The following FARP1 variants were observed in gnomAD, a reference collection of about 807,000 sequenced individuals.
The protein encoded by FARP1 is FERM, ARH/RhoGEF and pleckstrin domain protein 1.
Under a neutral mutation model 128.8 loss-of-function variants are expected in FARP1, and 52 were observed. That is an observed-to-expected ratio of 0.40 (90% confidence interval 0.32 to 0.51). The LOEUF (loss-of-function observed/expected upper bound fraction) is 0.51. FARP1 is among the 20% of genes least tolerant of loss of function. The pLI is 0.45. For synonymous variants in FARP1, 580 were observed against 551.8 expected (o/e 1.05, Z -0.72); for missense variants, 1,333 against 1,367.9 (o/e 0.97, Z 0.40).
At chr13:98,376,095 G>T (rs574439987) in intron 5 of FARP1, among the ~76,000 whole-genome samples, 77 of 152,152 alleles carry the variant, frequency 5.1e-4, no homozygotes, top group Admixed American at 1.2e-3. Flanking sequence ...CGGGGCAGGG[G>T]GTGGTATCTA....
intron 2 of FARP1, among the ~76,000 whole-genome samples, chr13:98,255,643 C>G (rs549933190): frequency 6.6e-5 from 10 of 152,290 alleles, no homozygotes; most frequent in African/African-American, 2.4e-4. Flanking sequence ...TAGTAATATG[C>G]ATAAGATGGA....
At chr13:98,245,431 C>G in intron 2 of FARP1, 1 of 670,200 alleles carries the variant, frequency 1.5e-6, no homozygotes, top group African/African-American at 2.0e-5. Flanking sequence ...AAATCATACA[C>G]TGCAGCAACT....
At chr13:98,211,874 G>A (rs555534539) in intron 1 of FARP1, among the ~76,000 whole-genome samples, 2 of 152,146 alleles carry the variant, frequency 1.3e-5, no homozygotes, top group Non-Finnish European at 2.9e-5. Flanking sequence ...CCTCCACTCC[G>A]TGTGAGGCAT....
chr13:98,179,856 C>CA (rs781307192), intron 1 of FARP1, among the ~76,000 whole-genome samples: 12 of 142,510 alleles, frequency 8.4e-5, no homozygotes, highest in East Asian at 2.0e-4. Context: ...GACTCCATCT[C>CA]AAAAAAACAA....
Position 98,357,515 on chromosome 13 carries a change from G to A in FARP1, c.277-7880G>A, listed in dbSNP as rs563945416. ...GTTTAGTAATATTTTCTTCGGGAATGCTGATCTGCTGTTACAGTCATCCAG... is the reference window on the plus strand; with the variant it reads ...GTTTAGTAATATTTTCTTCGGGAATACTGATCTGCTGTTACAGTCATCCAG... On this transcript the variant is annotated intron_variant, in intron 3 of 26. Coordinates refer to ENST00000319562, the MANE Select transcript of FARP1 (RefSeq NM_005766.4). 3.9e-5 allele frequency among the ~76,000 whole-genome samples: 6 copies of A among 152,306 alleles called. No homozygotes were observed. The South Asian group carries it at 8.3e-4, about 21-fold the overall frequency.
Position 98,435,621 on chromosome 13 carries a change from C to T in FARP1, c.2189C>T (p.Thr730Met), listed in dbSNP as rs749135628. Residue 730 changes from threonine (T) to methionine (M), a missense_variant, in exon 19 of 27, where the codon ACG becomes ATG. Around this residue, in one of 2 missense-constraint regions of FARP1, gnomAD observed 1,009 missense variants for 969.8 expected, o/e 1.04. Transcript: ENST00000319562. ...ITEMVAQLHG[T>M]MIKMENFQKL... ...GAGATGGTGGCACAGCTCCACGGTA[C>T]GATGATCAAGATGGAGAATTTCCAG... 36 of 1,613,652 alleles carry T rather than the reference C, an allele frequency of 2.2e-5. No homozygotes were observed. The highest frequency in any genetic ancestry group is 5.0e-5 in the Admixed American group (3 of 59,994).
At chr13:98,357,222 A>G (rs1476446092) in intron 3 of FARP1, among the ~76,000 whole-genome samples, 1 of 152,130 alleles carries the variant, frequency 6.6e-6, no homozygotes, top group African/African-American at 2.4e-5. Context: ...GTTTAAATTG[A>G]ACACCTTGCT....
intron 1 of FARP1, among the ~76,000 whole-genome samples, chr13:98,174,186 C>A (rs565096921): frequency 6.6e-6 from 1 of 152,318 alleles, no homozygotes; most frequent in African/African-American, 2.4e-5. Context: ...TACTAGTGAT[C>A]GCCTTTCTGC....
intron 2 of FARP1, 129 bp from the exon 3 acceptor site, chr13:98,343,633 G>A (rs1175397941): frequency 7.3e-6 from 5 of 687,108 alleles, no homozygotes; most frequent in African/African-American, 7.1e-5. Context: ...GGGTGTCACG[G>A]AGGTGGGCGG....
At chr13:98,367,158 G>GATT (rs1445502308) in intron 4 of FARP1, among the ~76,000 whole-genome samples, 1 of 151,932 alleles carries the variant, frequency 6.6e-6, no homozygotes, top group African/African-American at 2.4e-5. Context: ...TGATGATGAT[G>GATT]ATGATGATGA....
chr13:98,159,792 T>C (rs1263451599), intron 1 of FARP1, among the ~76,000 whole-genome samples: 1 of 152,024 alleles, frequency 6.6e-6, no homozygotes, highest in Non-Finnish European at 1.5e-5. Flanking sequence ...TTAAAAAATA[T>C]TCATTACACA....
At chr13:98,180,658 A>G (rs1010342410) in intron 1 of FARP1, among the ~76,000 whole-genome samples, 1 of 152,134 alleles carries the variant, frequency 6.6e-6, no homozygotes, top group African/African-American at 2.4e-5. Context: ...TATTTCTTCT[A>G]AAATATTATT....
intron 2 of FARP1, among the ~76,000 whole-genome samples, chr13:98,299,751 G>A (rs930863653): frequency 6.6e-6 from 1 of 152,160 alleles, no homozygotes; most frequent in African/African-American, 2.4e-5. Flanking sequence ...GTAACAAAAA[G>A]CTGTTCAGTG....
intron 1 of FARP1, among the ~76,000 whole-genome samples, chr13:98,193,142 C>T (rs2139241062): frequency 6.6e-6 from 1 of 151,762 alleles, no homozygotes; most frequent in East Asian, 1.9e-4. Context: ...ACTGCAACAT[C>T]TGTCTCCCGG....
chr13:98,337,538 CGTGTGTGTGTGTGT>C lies in FARP1; in HGVS notation c.172-6187_172-6174del, dbSNP rs60625244. 6.2e-3 allele frequency among the ~76,000 whole-genome samples: 813 copies of C among 132,092 alleles called. 6 individuals carry two copies. Among genetic ancestry groups the C allele is most frequent in the African/African-American group, 0.02 (711 of 35,742 alleles). 86.7% of individuals were successfully genotyped at this position (132,092 alleles called of 152,430 possible). A position where few individuals can be genotyped will look rare whatever the true frequency, so the allele number is the denominator to read the frequency against. ...TCTTGTGTATAGTAGTCTGTGTAGC[CGTGTGTGTGTGTGT>C]GTGTGTGTGTGTGTGTGTGTGTGTG... is the stretch of plus-strand genomic sequence containing the variant. On this transcript the variant is annotated intron_variant, in intron 2 of 26. Transcript: ENST00000319562.
intron 24 of FARP1, among the ~76,000 whole-genome samples, chr13:98,443,084 C>A (rs549337364): frequency 6.6e-6 from 1 of 152,340 alleles, no homozygotes; most frequent in Admixed American, 6.5e-5. Flanking sequence ...GCACGCTGGC[C>A]CCCAGCCAGA....
chr13:98,241,407 C>G (rs1882764766), intron 2 of FARP1, among the ~76,000 whole-genome samples: 2 of 152,106 alleles, frequency 1.3e-5, no homozygotes, highest in Admixed American at 1.3e-4. Context: ...GGGTGGACTC[C>G]ACAACAGGCA....
chr13:98,305,020 G>A (rs1211906103), intron 2 of FARP1, among the ~76,000 whole-genome samples: 3 of 152,070 alleles, frequency 2.0e-5, no homozygotes, highest in African/African-American at 7.2e-5. Flanking sequence ...AATGCTTTTA[G>A]CAAGAGAGAG....
At chr13:98,185,500 A>G (rs568759270) in intron 1 of FARP1, among the ~76,000 whole-genome samples, 1 of 152,228 alleles carries the variant, frequency 6.6e-6, no homozygotes, top group African/African-American at 2.4e-5. Flanking sequence ...ACTTGGGGAG[A>G]TAAGCAAGTG....
Sources: allele counts gnomAD v4.1 joint callset (sites outside exome capture counted in the v4.1 genomes callset), GRCh38; gene constraint gnomAD v4.1.1; regional missense constraint gnomAD v4.1.1; transcripts MANE v1.5; gene names NCBI Gene and HGNC (gene_info 2026-07-23, HGNC 2026-07-21).